Variants in PLB1 observed in about 807,000 individuals in gnomAD.
PLB1 encodes the protein phospholipase B1, membrane-associated.
A neutral mutation model predicts 227.4 loss-of-function variants in PLB1; 242 were observed. The ratio of observed to expected loss-of-function variants is 1.06; its 90% CI spans 0.96 to 1.18. PLB1 has a LOEUF of 1.18. PLB1 is among the 50% of genes most tolerant of loss of function. The pLI is 0.00. For missense variants in PLB1, 1,858 were observed against 1,816.3 expected, an observed-to-expected ratio of 1.02 and a Z score of -0.42; for synonymous variants, 757 against 682.2, an observed-to-expected ratio of 1.11 and a Z score of -1.71.
chr2:28,510,082 T>C (rs1031867493), intron 1 of PLB1, among the ~76,000 whole-genome samples: 1 of 152,222 alleles, frequency 6.6e-6, no homozygotes, highest in East Asian at 1.9e-4. Context: ...CATTTAGTTA[T>C]GTGAAGAAAT....
chr2:28,543,942 G>A (rs1045146768), intron 14 of PLB1, among the ~76,000 whole-genome samples: 10 of 152,236 alleles, frequency 6.6e-5, no homozygotes, highest in Admixed American at 5.2e-4. Context: ...CGTCGACGTC[G>A]AGGCTTTGAA....
At chr2:28,538,570 C>T (rs1170330545) in intron 10 of PLB1, among the ~76,000 whole-genome samples, 189 bp downstream of exon 10, 1 of 152,198 alleles carries the variant, frequency 6.6e-6, no homozygotes, top group East Asian at 1.9e-4. Context: ...CACTCCACTC[C>T]TGCAAAGGAA....
intron 19 of PLB1, among the ~76,000 whole-genome samples, chr2:28,566,075 G>T (rs992831770): frequency 6.6e-6 from 1 of 152,180 alleles, no homozygotes; most frequent in Non-Finnish European, 1.5e-5. Context: ...AACCTCTGCT[G>T]CAAGCCCGGG....
chr2:28,538,717 C>T lies in PLB1; in HGVS notation c.618+336C>T, dbSNP rs183572889. On this transcript the variant is annotated intron_variant, in intron 10 of 57. Transcript: ENST00000327757. ...CTTCAAGACCTTTCTGCTCAGTGAC[C>T]GTGATGCTGCTGCAGGGTCTGAGAA... is the stretch of plus-strand genomic sequence containing the variant. Among the ~76,000 whole-genome samples, 349 of 152,232 alleles carry T rather than the reference C, an allele frequency of 2.3e-3. 1 individual carries two copies. The highest frequency in any genetic ancestry group is 3.5e-3 in the South Asian group (17 of 4,816).
At chr2:28,636,043 A>ATGTG (rs138091852) in intron 56 of PLB1, among the ~76,000 whole-genome samples, 1 of 145,738 alleles carries the variant, frequency 6.9e-6, no homozygotes, top group African/African-American at 2.7e-5. Flanking sequence ...GTGTGTGTGT[A>ATGTG]TGTATGTGTA....
At chr2:28,506,798 G>A (rs1401654867) in intron 1 of PLB1, among the ~76,000 whole-genome samples, 2 of 152,190 alleles carry the variant, frequency 1.3e-5, no homozygotes, top group Non-Finnish European at 2.9e-5. Context: ...ACAGAGCCCT[G>A]GATCATAGGA....
chr2:28,565,475 C>G (rs1015331010), intron 19 of PLB1, 122 bp downstream of exon 19: 14 of 817,218 alleles, frequency 1.7e-5, no homozygotes, highest in African/African-American at 3.5e-5. Context: ...TTTTCTATGA[C>G]CAACTTCTAG....
rs73922129 is a variant in PLB1, at chr2:28,505,891, A to G, written c.55+9722A>G. Among the ~76,000 whole-genome samples, 1,141 of 152,244 alleles carry G rather than the reference A, an allele frequency of 7.5e-3. 12 individuals carry two copies. Among genetic ancestry groups the G allele is most frequent in the African/African-American group, 0.026 (1,087 of 41,540 alleles). On this transcript the variant is annotated intron_variant, in intron 1 of 57. Coordinates refer to ENST00000327757, the MANE Select transcript of PLB1 (RefSeq NM_153021.5). ...CCCCGAATCTCTGGTGTTAGACTCT[A>G]CATCCCAATGCCTCCATCCCCATCC... is the stretch of plus-strand genomic sequence containing the variant.
chr2:28,548,085 G>C (rs1330970343), intron 14 of PLB1, among the ~76,000 whole-genome samples: 1 of 152,020 alleles, frequency 6.6e-6, no homozygotes, highest in South Asian at 2.1e-4. Flanking sequence ...CTAGCGGTTT[G>C]TGAGTGTTGG....
intron 1 of PLB1, among the ~76,000 whole-genome samples, chr2:28,502,803 AT>A (rs111468155): frequency 2.6e-5 from 4 of 151,768 alleles, no homozygotes; most frequent in Non-Finnish European, 4.4e-5. Context: ...ATAATAATGG[AT>A]TTTTTTTCCT....
rs754104641 is a variant in PLB1 at position 28,563,068 on chromosome 2, A to G, written c.1175A>G (p.Asn392Ser). Residue 392 changes from asparagine to serine, a missense_variant, in exon 18 of 58, where the codon AAC becomes AGC. Transcript: ENST00000327757. The stretch of plus-strand genomic sequence containing the variant: ...CATAGGCTGAAGCCGGCTGACATCA[A>G]CGTAATTGGAGCCCTGGGTGACTCT... ...SVHRLKPADINVIGALGDSLT... is the reference protein window; with the variant it reads ...SVHRLKPADISVIGALGDSLT... 4 of 1,613,768 alleles carry G rather than the reference A, an allele frequency of 2.5e-6. No individual in the cohort carries two copies. Among genetic ancestry groups the G allele is most frequent in the African/African-American group, 2.7e-5 (2 of 74,870 alleles).
intron 42 of PLB1, among the ~76,000 whole-genome samples, chr2:28,606,209 C>G (rs1157378431): frequency 6.6e-6 from 1 of 152,222 alleles, no homozygotes; most frequent in East Asian, 1.9e-4. Context: ...ATTCCACTTT[C>G]CCTATGTGCC....
chr2:28,624,807 GGAGGCTTGACGGGATCCCAACCC>G (rs1687515785), intron 49 of PLB1, among the ~76,000 whole-genome samples: 1 of 152,224 alleles, frequency 6.6e-6, no homozygotes, highest in Non-Finnish European at 1.5e-5. Context: ...AGTCCTGAGG[GGAGGCTTGACGGGATCCCAACCC>G]GAGTGGCCGA....
chr2:28,596,498 G>T (rs1478449634), intron 33 of PLB1, among the ~76,000 whole-genome samples: 2 of 152,202 alleles, frequency 1.3e-5, no homozygotes, highest in Non-Finnish European at 2.9e-5. Context: ...TGATGCGTTT[G>T]TGTTTGTGTG....
At chr2:28,507,562 A>T (rs1271292166) in intron 1 of PLB1, among the ~76,000 whole-genome samples, 1 of 152,186 alleles carries the variant, frequency 6.6e-6, no homozygotes, top group Admixed American at 6.5e-5. Context: ...TACATTGGGG[A>T]TCAAGTTTCC....
intron 30 of PLB1, 147 bp downstream of exon 30, chr2:28,591,318 G>T (rs11127175): frequency 0.21 from 200,272 of 937,580 alleles, 23,525 homozygotes; most frequent in African/African-American, 0.35. Context: ...AGATGGGGTA[G>T]TGGGCAGAGT....
At chr2:28,535,351 C>A (rs1459409785) in intron 9 of PLB1, among the ~76,000 whole-genome samples, 1 of 152,214 alleles carries the variant, frequency 6.6e-6, no homozygotes, top group African/African-American at 2.4e-5. Flanking sequence ...GGCTTTGATG[C>A]CTGGAATAAA....
intron 20 of PLB1, among the ~76,000 whole-genome samples, chr2:28,572,799 G>T (rs1678232100): frequency 6.6e-6 from 1 of 152,192 alleles, no homozygotes; most frequent in Non-Finnish European, 1.5e-5. Flanking sequence ...CTGGGGTGAT[G>T]AAAATATTCT....
rs1208568865 is a variant in PLB1 at position 28,591,728 on chromosome 2, A to G, written c.2156A>G (p.Asp719Gly). The change falls in exon 31 of 58, where the codon GAC (aspartate) becomes GGC (glycine). Residue 719 changes from aspartate to glycine, a missense_variant. Transcript: ENST00000327757. ...QGHGTWLPCR[D>G]RAPSALHPTS... ...CATGGGACCTGGCTGCCATGCAGGG[A>G]CAGAGCCCCTTCTGCCTTGCACCCT... 2 of 1,613,912 alleles carry G rather than the reference A, an allele frequency of 1.2e-6. No homozygotes were observed. Among genetic ancestry groups the G allele is most frequent in the South Asian group, 2.2e-5 (2 of 91,080 alleles).
Sources: allele counts gnomAD v4.1 joint callset (sites outside exome capture counted in the v4.1 genomes callset), GRCh38; gene constraint gnomAD v4.1.1; transcripts MANE v1.5; gene names NCBI Gene and HGNC (gene_info 2026-07-23, HGNC 2026-07-21).